The following NOS1 variants were observed in gnomAD, a reference collection of about 807,000 sequenced individuals.
NOS1 encodes NOS type I.
In NOS1, 51 loss-of-function variants were observed where a neutral mutation model predicts 164.5. The ratio of observed to expected loss-of-function variants is 0.31; its 90% CI spans 0.25 to 0.39. The LOEUF is 0.39. Ranked by LOEUF, NOS1 falls within the 10% of genes least tolerant of loss-of-function variation. The pLI, the probability that NOS1 is intolerant of heterozygous loss-of-function variation, is 1.00. For synonymous variants in NOS1, 719 were observed against 745.8 expected, an observed-to-expected ratio of 0.96 and a Z score of 0.59; for missense variants, 1,362 against 1,885.6, an observed-to-expected ratio of 0.72 and a Z score of 5.14.
intron 2 of NOS1, among the ~76,000 whole-genome samples, chr12:117,315,236 C>T (rs532011909): frequency 1.3e-5 from 2 of 152,062 alleles, no homozygotes; most frequent in African/African-American, 4.8e-5. Flanking sequence ...GATAGTCTTG[C>T]TCTGTCTCCC....
chr12:117,323,420 G>A (rs1875083648), intron 2 of NOS1, among the ~76,000 whole-genome samples: 1 of 152,232 alleles, frequency 6.6e-6, no homozygotes, highest in South Asian at 2.1e-4. Context: ...GGCCAACAAT[G>A]CAATCCAGAA....
At chr12:117,347,199 A>C (rs1379730894) in intron 1 of NOS1, among the ~76,000 whole-genome samples, 1 of 152,042 alleles carries the variant, frequency 6.6e-6, no homozygotes, top group African/African-American at 2.4e-5. Flanking sequence ...AGGCAGAAGA[A>C]TTGCTTGAAC....
At chr12:117,256,729 G>A (rs532993245) in intron 16 of NOS1, among the ~76,000 whole-genome samples, 20 of 152,216 alleles carry the variant, frequency 1.3e-4, no homozygotes, top group Non-Finnish European at 2.5e-4. Flanking sequence ...CACACACCAT[G>A]TGTCCTATAC....
chr12:117,240,504 G>A (rs746994048), intron 20 of NOS1, among the ~76,000 whole-genome samples: 5 of 152,178 alleles, frequency 3.3e-5, no homozygotes, highest in Admixed American at 6.5e-5. Flanking sequence ...TGCTGGTGAG[G>A]CCATCTGTGT....
Position 117,340,871 on chromosome 12 carries a change from C to CTTTTTTTTT in NOS1, c.-420-9383_-420-9382insAAAAAAAAA, listed in dbSNP as rs775978271. 3.4e-4 allele frequency among the ~76,000 whole-genome samples: 33 copies of CTTTTTTTTT among 96,432 alleles called. 1 individual carries two copies. Among genetic ancestry groups the CTTTTTTTTT allele is most frequent in the South Asian group, 1.4e-3 (4 of 2,780 alleles). 63.3% of individuals were successfully genotyped at this position (96,432 alleles called of 152,430 possible). On this transcript the variant is annotated intron_variant, in intron 1 of 28. Transcript: ENST00000317775. ...CCTGAGTAGCTGATATCACACCTGGCTATTTTTTTTTTTTTTTTTTTTTTT... is the reference window on the plus strand; with the variant it reads ...CCTGAGTAGCTGATATCACACCTGGCTTTTTTTTTTATTTTTTTTTTTTTTTTTTTTTTT...
chr12:117,278,191 C>T, intron 8 of NOS1, 93 bp from the exon 9 acceptor site: 1 of 1,382,226 alleles, frequency 7.2e-7, no homozygotes, highest in Non-Finnish European at 9.6e-7. Flanking sequence ...GGATAGAGAT[C>T]CAAATGCAAG....
intron 2 of NOS1, among the ~76,000 whole-genome samples, chr12:117,325,227 C>T (rs1593023770): frequency 1.3e-5 from 2 of 152,074 alleles, no homozygotes; most frequent in Non-Finnish European, 1.5e-5. Flanking sequence ...GAGAGGTCAC[C>T]GGGAGGATGA....
At chr12:117,244,270 A>C (rs9658472) in intron 18 of NOS1, among the ~76,000 whole-genome samples, 17,478 of 152,080 alleles carry the variant, frequency 0.11, 1,366 homozygotes, top group Admixed American at 0.29. Context: ...TTAAGACAGA[A>C]TCTCACTCTG....
chr12:117,297,283 GGAA>G (rs1873480372), intron 3 of NOS1, among the ~76,000 whole-genome samples: 1 of 152,220 alleles, frequency 6.6e-6, no homozygotes, highest in Admixed American at 6.5e-5. Flanking sequence ...CAGCAGGACT[GGAA>G]GCAGGGAACT....
At chr12:117,347,887 C>T (rs544561379) in intron 1 of NOS1, 7 of 152,318 alleles carry the variant, frequency 4.6e-5, no homozygotes, top group African/African-American at 1.4e-4. Context: ...TGGAGTGACA[C>T]CTTTCTGTCT....
chr12:117,345,890 C>T (rs1236419722), intron 1 of NOS1, among the ~76,000 whole-genome samples: 2 of 152,230 alleles, frequency 1.3e-5, no homozygotes, highest in Non-Finnish European at 2.9e-5. Flanking sequence ...ACCACCTGTG[C>T]ATAGCACAGG....
intron 20 of NOS1, among the ~76,000 whole-genome samples, chr12:117,239,526 C>T (rs902700481): frequency 2.6e-5 from 4 of 152,156 alleles, no homozygotes; most frequent in African/African-American, 9.6e-5. Context: ...TTTAGATTTT[C>T]AAGGATCACC....
chr12:117,321,537 C>A (rs544253468), intron 2 of NOS1, among the ~76,000 whole-genome samples: 1 of 152,068 alleles, frequency 6.6e-6, no homozygotes, highest in Non-Finnish European at 1.5e-5. Flanking sequence ...CCTGGCAAGA[C>A]GGCAGGGACA....
rs546442161 is a variant in NOS1, at chr12:117,333,391, C to A, written c.-420-1902G>T. Among the ~76,000 whole-genome samples the A allele has an allele frequency of 3.3e-5, 5 of 152,318 alleles. No homozygotes were observed. The East Asian group carries it at 7.7e-4, about 24-fold the overall frequency. ...GCCATGACTAACAAACTGACACTCA[C>A]TTCCTCATTTCCCTTTTAGCGACTT... On this transcript the variant is annotated intron_variant, in intron 1 of 28. Transcript: ENST00000317775.
At chr12:117,266,076 G>GCCACC (rs1457421828) in intron 11 of NOS1, among the ~76,000 whole-genome samples, 3 of 152,030 alleles carry the variant, frequency 2.0e-5, no homozygotes, top group Non-Finnish European at 2.9e-5. Context: ...TGGGATTACA[G>GCCACC]GTGTGAGCCA....
rs763771295 is a variant in NOS1, at chr12:117,209,014, C to T, written c.*6295G>A. The T allele has an allele frequency of 6.1e-6, 6 of 983,320 alleles. No individual in the cohort carries two copies. Among genetic ancestry groups the T allele is most frequent in the African/African-American group, 1.8e-5 (1 of 57,078 alleles). The allele number at this position is 983,320 out of a possible 1,614,324, so 60.9% of individuals were successfully genotyped here. A position where few individuals can be genotyped will look rare whatever the true frequency, so the allele number is the denominator to read the frequency against. On this transcript the variant is annotated 3_prime_UTR_variant, in exon 29 of 29. Transcript: ENST00000317775. The stretch of plus-strand genomic sequence containing the variant: ...CTGTGATTACAGGCATGAGCCACCA[C>T]GCCTGGCCTGGGAGGGGTTTTTGAA...
intron 26 of NOS1, among the ~76,000 whole-genome samples, chr12:117,220,582 C>A (rs1956687051): frequency 6.6e-6 from 1 of 152,116 alleles, no homozygotes; most frequent in Non-Finnish European, 1.5e-5. Context: ...AGACGGGGAG[C>A]ATTCACTACC....
At chr12:117,340,327 T>A (rs754668387) in intron 1 of NOS1, among the ~76,000 whole-genome samples, 1 of 152,170 alleles carries the variant, frequency 6.6e-6, no homozygotes, top group Non-Finnish European at 1.5e-5. Context: ...TTTAACAATG[T>A]TTTTTGCATC....
At chr12:117,295,770 C>A (rs988919124) in intron 3 of NOS1, among the ~76,000 whole-genome samples, 3 of 151,636 alleles carry the variant, frequency 2.0e-5, no homozygotes, top group Non-Finnish European at 4.4e-5. Context: ...CAGGCATGCA[C>A]CACCATGCCT....
Sources: gnomAD v4.1 joint callset for allele counts (sites outside exome capture counted in the v4.1 genomes callset) on GRCh38, gnomAD v4.1.1 for gene constraint, MANE v1.5 for transcripts, NCBI Gene and HGNC (gene_info 2026-07-23, HGNC 2026-07-21) for gene names.